SVOPL: variants seen among roughly 807,000 people sequenced by gnomAD.
The protein encoded by SVOPL is SVOP like.
A neutral mutation model predicts 61.0 loss-of-function variants in SVOPL; 60 were observed. The observed-to-expected ratio is 0.98, with a 90% CI of 0.80 to 1.22. The LOEUF (loss-of-function observed/expected upper bound fraction) is 1.22, where lower values mean the gene tolerates loss of function less well. SVOPL is among the 50% of genes most tolerant of loss of function. The pLI, the probability that SVOPL is intolerant of heterozygous loss-of-function variation, is 0.00. For synonymous variants in SVOPL, 279 were observed against 250.0 expected (o/e 1.12, Z -1.09); for missense variants, 662 against 643.9 (o/e 1.03, Z -0.30).
At chr7:138,598,180 C>T (rs1798359844) in intron 14 of SVOPL, among the ~76,000 whole-genome samples, 2 of 152,000 alleles carry the variant, frequency 1.3e-5, no homozygotes, top group Admixed American at 6.6e-5. Flanking sequence ...TTTACTGTAT[C>T]AAAAGGAAAA....
chr7:138,660,646 C>G (rs1405891214), intron 5 of SVOPL: 2 of 985,324 alleles, frequency 2.0e-6, no homozygotes, highest in African/African-American at 3.5e-5. Flanking sequence ...GCGATGATAT[C>G]TGTACATAAG....
chr7:138,621,866 C>CTATGTATCTATCTATGTATCTATCTATG (rs1563095578), intron 13 of SVOPL, among the ~76,000 whole-genome samples: 2 of 39,056 alleles, frequency 5.1e-5, no homozygotes, highest in African/African-American at 8.0e-5. Context: ...ATCTATCTAT[C>CTATGTATCTATCTATGTATCTATCTATG]TATCTATCTA....
intron 1 of SVOPL, among the ~76,000 whole-genome samples, chr7:138,694,887 C>T (rs558361282): frequency 4.3e-4 from 66 of 151,816 alleles, no homozygotes; most frequent in Non-Finnish European, 1.2e-4. Flanking sequence ...TACAGGCATG[C>T]GCCACCACAC....
At chr7:138,641,246 CTT>C (rs1584819093) in intron 9 of SVOPL, among the ~76,000 whole-genome samples, 2 of 129,900 alleles carry the variant, frequency 1.5e-5, no homozygotes, top group East Asian at 2.4e-4. Context: ...AAAAAAAAAA[CTT>C]AAATTCAGTT....
chr7:138,665,554 T>C (rs1802229807), intron 4 of SVOPL, among the ~76,000 whole-genome samples: 2 of 152,086 alleles, frequency 1.3e-5, no homozygotes, highest in South Asian at 2.1e-4. Context: ...TGTAGGCACC[T>C]TAGGAAACAG....
chr7:138,612,447 T>TAAAAAAAAAAAAAAAAAAAAAAA (rs59229265), intron 14 of SVOPL, among the ~76,000 whole-genome samples: 27 of 22,312 alleles, frequency 1.2e-3, no homozygotes, highest in Non-Finnish European at 1.6e-3. Context: ...AAAAAAAAAA[T>TAAAAAAAAAAAAAAAAAAAAAAA]AAAAAAAAAA....
At chr7:138,629,265 C>T (rs1800056216) in intron 10 of SVOPL, among the ~76,000 whole-genome samples, 2 of 147,838 alleles carry the variant, frequency 1.4e-5, no homozygotes, top group South Asian at 4.3e-4. Flanking sequence ...CAGTTTCATG[C>T]TGTCACCCAG....
chr7:138,689,114 G>A (rs748833618), intron 1 of SVOPL: 13 of 802,102 alleles, frequency 1.6e-5, no homozygotes, highest in Admixed American at 6.9e-5. Flanking sequence ...GAAAAGCCAC[G>A]AAGTATCTGA....
intron 1 of SVOPL, among the ~76,000 whole-genome samples, chr7:138,692,390 A>G (rs1357679956): frequency 6.6e-6 from 1 of 152,174 alleles, no homozygotes; most frequent in Non-Finnish European, 1.5e-5. Context: ...CCTGCTGAGC[A>G]TGAATTCCAT....
In SVOPL at chr7:138,657,142, A is replaced by G. The variant is rs758432558; in HGVS notation, c.471-631T>C. ...ATTCCCTTTTCTTATTTGTTTATTT[A>G]TTTATTTATTTATTTATTTATTTAT... On this transcript the variant is annotated intron_variant, in intron 6 of 15. Coordinates refer to ENST00000674285, the MANE Select transcript of SVOPL (RefSeq NM_001139456.2). 5.1e-4 allele frequency among the ~76,000 whole-genome samples: 41 copies of G among 81,136 alleles called. No homozygotes were observed. In the South Asian group the frequency reaches 0.014, roughly 27 times the overall value. The allele number at this position is 81,136 out of a possible 152,430, so 53.2% of individuals were successfully genotyped here.
intron 14 of SVOPL, among the ~76,000 whole-genome samples, chr7:138,618,626 AC>A (rs1386877646): frequency 1.3e-5 from 2 of 152,040 alleles, no homozygotes; most frequent in African/African-American, 4.8e-5. Context: ...ATACCACTGC[AC>A]TCCAGCCTGG....
Position 138,689,693 on chromosome 7 carries a change from C to A in SVOPL, c.-34-10614G>T, listed in dbSNP as rs1189563086. 6.6e-5 allele frequency among the ~76,000 whole-genome samples: 10 copies of A among 151,766 alleles called. No homozygotes were observed. In the East Asian group the frequency reaches 1.6e-3, roughly 24 times the overall value. ...CCAACATGGTGAAACCCCGTCTCTACTAAAAATACAAAAATTAGCCGGGCA... is the reference window on the plus strand; with the variant it reads ...CCAACATGGTGAAACCCCGTCTCTAATAAAAATACAAAAATTAGCCGGGCA... On this transcript the variant is annotated intron_variant, in intron 1 of 15. Transcript: ENST00000674285.
chr7:138,636,762 C>G (rs889324180), intron 9 of SVOPL, among the ~76,000 whole-genome samples: 1 of 152,090 alleles, frequency 6.6e-6, no homozygotes, highest in African/African-American at 2.4e-5. Flanking sequence ...TGAGCCACCA[C>G]ACCCGGCGGA....
intron 15 of SVOPL, among the ~76,000 whole-genome samples, chr7:138,596,188 T>TAAAAAA (rs34972084): frequency 8.3e-6 from 1 of 120,334 alleles, no homozygotes; most frequent in Non-Finnish European, 1.7e-5. Context: ...GACTCTGTCT[T>TAAAAAA]AAAAAAAAAA....
rs149541368 is a variant in SVOPL, at chr7:138,631,335, G to T, written c.790-1213C>A. Reference sequence around the variant, plus strand: ...CTCAACCATCTATCCTTCAAGTTACGAACAATCCAATTACACACCTTAAGT... The same window carrying T: ...CTCAACCATCTATCCTTCAAGTTACTAACAATCCAATTACACACCTTAAGT... On this transcript the variant is annotated intron_variant, in intron 9 of 15. Transcript: ENST00000674285. Among the ~76,000 whole-genome samples, 453 of 152,208 alleles carry T rather than the reference G, an allele frequency of 3.0e-3. 2 individuals are homozygous for T. The highest frequency in any genetic ancestry group is 0.011 in the African/African-American group (442 of 41,518).
At position 138,697,608 on chromosome 7, in the gene SVOPL, C is replaced by A. The variant is rs1563142032; in HGVS notation, c.-35+3570G>T. ...GCCTGGGCAACAGAGGCAGACCCTG[C>A]CTCAAAAAAAAAAAAAAAAAAAGAA... On this transcript the variant is annotated intron_variant, in intron 1 of 15. Coordinates refer to ENST00000674285, the MANE Select transcript of SVOPL (RefSeq NM_001139456.2). Among the ~76,000 whole-genome samples, 8 of 80,488 alleles carry A rather than the reference C, an allele frequency of 9.9e-5. No individual in the cohort carries two copies. In the South Asian group the frequency reaches 1.3e-3, roughly 14 times the overall value. The allele number at this position is 80,488 out of a possible 152,430, so 52.8% of individuals were successfully genotyped here.
chr7:138,693,631 A>T (rs1220550182), intron 1 of SVOPL, among the ~76,000 whole-genome samples: 1 of 149,880 alleles, frequency 6.7e-6, no homozygotes, highest in African/African-American at 2.5e-5. Context: ...AAAAAAGAAG[A>T]AAGAAGGGAG....
At chr7:138,639,485 G>C (rs1800670773) in intron 9 of SVOPL, among the ~76,000 whole-genome samples, 1 of 151,794 alleles carries the variant, frequency 6.6e-6, no homozygotes. Context: ...AAGTTATTTG[G>C]GCGTGGTGGC....
intron 6 of SVOPL, among the ~76,000 whole-genome samples, chr7:138,658,772 AC>A (rs1801866415): frequency 6.6e-6 from 1 of 152,212 alleles, no homozygotes; most frequent in Non-Finnish European, 1.5e-5. Flanking sequence ...AGCAGCTATC[AC>A]TAAAAACCAA....
Sources: gnomAD v4.1 joint callset for allele counts (sites outside exome capture counted in the v4.1 genomes callset) on GRCh38, gnomAD v4.1.1 for gene constraint, MANE v1.5 for transcripts, NCBI Gene and HGNC (gene_info 2026-07-23, HGNC 2026-07-21) for gene names.